Variants in TAF8 observed in about 807,000 individuals in gnomAD.
The protein encoded by TAF8 is TATA-box binding protein associated factor 8.
A neutral mutation model predicts 36.5 loss-of-function variants in TAF8; 47 were observed. The observed-to-expected ratio is 1.29, with a 90% CI of 1.02 to 1.64. TAF8 has a LOEUF of 1.64. Ranked by LOEUF, TAF8 falls within the 40% of genes most tolerant of loss-of-function variation. The pLI is 0.00. For synonymous variants in TAF8, 175 were observed against 159.5 expected (o/e 1.10, Z -0.73); for missense variants, 420 against 407.6 (o/e 1.03, Z -0.26).
chr6:42,061,962 T>G (rs1345183503), intron 5 of TAF8, among the ~76,000 whole-genome samples: 1 of 152,156 alleles, frequency 6.6e-6, no homozygotes, highest in Non-Finnish European at 1.5e-5. Context: ...AAAGAAAAAC[T>G]TTTACTCTGT....
At chr6:42,061,533 C>A (rs12216369) in intron 5 of TAF8, among the ~76,000 whole-genome samples, 12,931 of 152,096 alleles carry the variant, frequency 0.085, 731 homozygotes, top group East Asian at 0.25. Flanking sequence ...TTAGGGCAGC[C>A]ACAGTTAAAG....
At chr6:42,055,505 G>A in intron 2 of TAF8, 26 bp from the exon 3 acceptor site, 3 of 1,510,736 alleles carry the variant, frequency 2.0e-6, no homozygotes, top group South Asian at 2.3e-5. Context: ...CTGAGAATAA[G>A]TTTTATGCCT....
Position 42,071,871 on chromosome 6 carries a change from C to T in TAF8, c.780+3264C>T, listed in dbSNP as rs564248101. On this transcript the variant is annotated intron_variant, in intron 7 of 8. Transcript: ENST00000372977. The stretch of plus-strand genomic sequence containing the variant: ...AAGGGCTTGGACATGCATTCACTGA[C>T]GGTCCCGTAGTGATGTGAGGTCATG... Among the ~76,000 whole-genome samples, 4 of 152,264 alleles carry T rather than the reference C, an allele frequency of 2.6e-5. No homozygotes were observed. In the South Asian group the frequency reaches 8.3e-4, roughly 32 times the overall value.
chr6:42,061,355 A>G (rs1009196661), intron 5 of TAF8, among the ~76,000 whole-genome samples: 1 of 152,210 alleles, frequency 6.6e-6, no homozygotes, highest in Non-Finnish European at 1.5e-5. Flanking sequence ...AGTAAACCAA[A>G]CACCATTCAC....
intron 7 of TAF8, among the ~76,000 whole-genome samples, chr6:42,073,855 C>G (rs1302063526): frequency 6.6e-6 from 1 of 152,124 alleles, no homozygotes; most frequent in Admixed American, 6.5e-5. Context: ...AGGAAGCTGT[C>G]GCTATAGCCT....
intron 2 of TAF8, among the ~76,000 whole-genome samples, chr6:42,054,295 A>G (rs1258739549): frequency 6.6e-6 from 1 of 152,212 alleles, no homozygotes; most frequent in African/African-American, 2.4e-5. Context: ...TGCCCATCAG[A>G]GAATAAGACC....
intron 5 of TAF8, among the ~76,000 whole-genome samples, chr6:42,064,400 G>A (rs1327584981): frequency 6.6e-6 from 1 of 151,848 alleles, no homozygotes; most frequent in East Asian, 1.9e-4. Flanking sequence ...GATTACAGGT[G>A]CCCACCACCA....
At chr6:42,054,342 A>T (rs1020080624) in intron 2 of TAF8, among the ~76,000 whole-genome samples, 1 of 152,200 alleles carries the variant, frequency 6.6e-6, no homozygotes, top group East Asian at 1.9e-4. Context: ...TCATAAAAAA[A>T]TTTATCATTT....
chr6:42,057,718 A>G (rs1052152049), intron 5 of TAF8: 15 of 594,744 alleles, frequency 2.5e-5, no homozygotes, highest in African/African-American at 7.7e-5. Flanking sequence ...CTGGGAGTTC[A>G]AGACCAGCCT....
chr6:42,053,336 G>T (rs1206233320), intron 2 of TAF8, among the ~76,000 whole-genome samples: 3 of 152,208 alleles, frequency 2.0e-5, no homozygotes, highest in African/African-American at 7.2e-5. Flanking sequence ...GCCGAGGCGG[G>T]TATATCGCCT....
At chr6:42,061,729 T>C (rs1765196254) in intron 5 of TAF8, among the ~76,000 whole-genome samples, 1 of 152,238 alleles carries the variant, frequency 6.6e-6, no homozygotes, top group Admixed American at 6.5e-5. Context: ...ATTTCATATT[T>C]GACAATGCCT....
chr6:42,051,151 G>T, intron 1 of TAF8: 1 of 1,287,432 alleles, frequency 7.8e-7, no homozygotes, highest in Non-Finnish European at 9.9e-7. Flanking sequence ...GTACGTTTTA[G>T]GTAAGCGGAG....
In TAF8 at chr6:42,082,647, G is replaced by A. The variant is rs930354932; in HGVS notation, c.*5102G>A. The A allele has an allele frequency of 1.3e-5, 2 of 152,154 alleles. No homozygotes were observed. Among genetic ancestry groups the A allele is most frequent in the African/African-American group, 4.8e-5 (2 of 41,438 alleles). 9.4% of individuals were successfully genotyped at this position (152,154 alleles called of 1,614,324 possible). A position where few individuals can be genotyped will look rare whatever the true frequency, so the allele number is the denominator to read the frequency against. ...ACCCACCGCACCTGGCCGAGTATGG[G>A]ACTTTTTGACGTTGGCTTTTTCAGT... On this transcript the variant is annotated 3_prime_UTR_variant, in exon 9 of 9. Coordinates refer to ENST00000372977, the MANE Select transcript of TAF8 (RefSeq NM_138572.3).
In TAF8 at chr6:42,077,553, A is replaced by G. The variant is rs1489321434; in HGVS notation, c.*8A>G. 2 of 1,613,020 alleles carry G rather than the reference A, an allele frequency of 1.2e-6. No individual in the cohort carries two copies. Among genetic ancestry groups the G allele is most frequent in the Admixed American group, 1.7e-5 (1 of 59,850 alleles). ...TCTAGGTCCCTCTCCTGAGCTGAGAAGGAAACCTGGCTTGTACAGGGGCGC... is the reference window on the plus strand; with the variant it reads ...TCTAGGTCCCTCTCCTGAGCTGAGAGGGAAACCTGGCTTGTACAGGGGCGC... On this transcript the variant is annotated 3_prime_UTR_variant, in exon 9 of 9. Coordinates refer to ENST00000372977, the MANE Select transcript of TAF8 (RefSeq NM_138572.3).
Position 42,071,311 on chromosome 6 carries a change from C to CTTTTTT in TAF8, c.780+2732_780+2737dup, listed in dbSNP as rs70987566. 24 of 121,722 alleles carry CTTTTTT rather than the reference C, an allele frequency of 2.0e-4. 1 individual carries two copies. The highest frequency in any genetic ancestry group is 6.6e-4 in the African/African-American group (12 of 18,274). 7.5% of individuals were successfully genotyped at this position (121,722 alleles called of 1,614,324 possible). On this transcript the variant is annotated intron_variant, in intron 7 of 8. Coordinates refer to ENST00000372977, the MANE Select transcript of TAF8 (RefSeq NM_138572.3). ...TGAAGGTCTTATTTGCCTGGACATACTTTTTTTTTTTTTTTTTTTTTTTTT... is the reference window on the plus strand; with the variant it reads ...TGAAGGTCTTATTTGCCTGGACATACTTTTTTTTTTTTTTTTTTTTTTTTTTTTTTT...
At chr6:42,086,929 G>A, downstream of TAF8, 1 of 677,154 alleles carries the variant, frequency 1.5e-6, no homozygotes, top group Non-Finnish European at 2.6e-6. Context: ...CGCAGCCATC[G>A]GGAAGGTCAT....
Position 42,077,207 on chromosome 6 carries a change from G to A in TAF8, c.888G>A (p.Arg296=), listed in dbSNP as rs3800286. Residue 296 remains arginine, a synonymous_variant, in exon 8 of 9, where the codon CGG becomes CGA. Transcript: ENST00000372977. ...ACATCATCGATAACCCTTATCTGCG[G>A]CCGGTGAAGAAGCCCAAGATCCGCA... ...EENIIDNPYL[R]PVKKPKIRRK... 1,133,522 of 1,613,156 alleles carry A rather than the reference G, an allele frequency of 0.7. 402,306 individuals carry two copies. The highest frequency in any genetic ancestry group is 0.89 in the East Asian group (39,699 of 44,836).
chr6:42,074,346 G>C (rs997850506), intron 7 of TAF8, among the ~76,000 whole-genome samples: 1 of 152,154 alleles, frequency 6.6e-6, no homozygotes, highest in East Asian at 1.9e-4. Flanking sequence ...CTGGAAGTCG[G>C]GAGAGGTTAG....
At chr6:42,051,305 T>A (rs1371180040) in intron 1 of TAF8, 52 bp from the exon 2 acceptor site, 1 of 1,567,448 alleles carries the variant, frequency 6.4e-7, no homozygotes, top group African/African-American at 1.4e-5. Context: ...ACGTATGAAC[T>A]ATGTGATTGC....
Sources: gnomAD v4.1 joint callset for allele counts (sites outside exome capture counted in the v4.1 genomes callset) on GRCh38, gnomAD v4.1.1 for gene constraint, MANE v1.5 for transcripts, NCBI Gene and HGNC (gene_info 2026-07-23, HGNC 2026-07-21) for gene names.